TNKS: variants seen among roughly 807,000 people sequenced by gnomAD.
TNKS encodes the protein poly [ADP-ribose] polymerase tankyrase-1.
Under a neutral mutation model 135.8 loss-of-function variants are expected in TNKS, and 72 were observed. That is an observed-to-expected ratio of 0.53 (90% CI 0.44 to 0.64). The LOEUF is 0.64. TNKS is among the 30% of genes least tolerant of loss of function. TNKS has a pLI of 0.00. For synonymous variants in TNKS, 849 were observed against 649.3 expected (o/e 1.31, Z -4.68); for missense variants, 1,769 against 1,674.0 (o/e 1.06, Z -0.99).
At position 9,772,809 on chromosome 8, in the gene TNKS, T is replaced by TTTGTGTGTGTG. The variant is rs1554490631; in HGVS notation, c.3897+2548_3897+2549insTGTGTGTGTGT. 4.6e-5 allele frequency among the ~76,000 whole-genome samples: 4 copies of TTTGTGTGTGTG among 86,692 alleles called. No homozygotes were observed. The East Asian group carries it at 1.0e-3, about 22-fold the overall frequency. The allele number at this position is 86,692 out of a possible 152,430, so 56.9% of individuals were successfully genotyped here. A position where few individuals can be genotyped will look rare whatever the true frequency, so the allele number is the denominator to read the frequency against. On this transcript the variant is annotated intron_variant, in intron 26 of 26. Transcript: ENST00000310430. Reference sequence around the variant, plus strand: ...TTGGGGAGAATGTGTGTGTGTGTGTTTGTGTGTGTGTGTGTGTGTGTCTGT... The same window carrying TTTGTGTGTGTG: ...TTGGGGAGAATGTGTGTGTGTGTGTTTTGTGTGTGTGTGTGTGTGTGTGTGTGTGTGTCTGT...
intron 3 of TNKS, among the ~76,000 whole-genome samples, chr8:9,659,856 G>T (rs141796352): frequency 1.8e-3 from 271 of 152,166 alleles, no homozygotes; most frequent in African/African-American, 6.0e-3. Context: ...TAATAAAGAA[G>T]AAAAGAGAGA....
At chr8:9,641,426 T>C (rs1054515395) in intron 3 of TNKS, among the ~76,000 whole-genome samples, 1 of 145,266 alleles carries the variant, frequency 6.9e-6, no homozygotes, top group Non-Finnish European at 1.5e-5. Context: ...GATTTATTTA[T>C]AAATATCTCT....
At chr8:9,744,666 T>C (rs1806144713) in intron 17 of TNKS, among the ~76,000 whole-genome samples, 1 of 152,226 alleles carries the variant, frequency 6.6e-6, no homozygotes, top group Non-Finnish European at 1.5e-5. Context: ...TTATATACTG[T>C]GTTGAATAGA....
chr8:9,706,069 T>C, intron 6 of TNKS, 118 bp from the exon 7 acceptor site: 1 of 551,302 alleles, frequency 1.8e-6, no homozygotes, highest in Non-Finnish European at 2.9e-6. Flanking sequence ...TTTTATTAAA[T>C]ACTTTTAAAT....
At chr8:9,763,312 T>A (rs1807249509) in intron 22 of TNKS, 68 bp downstream of exon 22, 5 of 1,110,430 alleles carry the variant, frequency 4.5e-6, no homozygotes, top group Non-Finnish European at 6.6e-6. Flanking sequence ...TTTTCTGGAA[T>A]TAACCTCGTC....
intron 3 of TNKS, among the ~76,000 whole-genome samples, chr8:9,650,356 C>G (rs1029590849): frequency 6.6e-6 from 1 of 152,162 alleles, no homozygotes; most frequent in Admixed American, 6.5e-5. Context: ...ATTGCTGGAT[C>G]AAATGGTAGT....
intron 26 of TNKS, among the ~76,000 whole-genome samples, chr8:9,774,070 T>C (rs527503655): frequency 2.0e-5 from 3 of 151,802 alleles, no homozygotes; most frequent in Admixed American, 6.5e-5. Flanking sequence ...AAAAGATATA[T>C]TGAAGGTTAA....
intron 1 of TNKS, among the ~76,000 whole-genome samples, chr8:9,570,633 G>C (rs1797721740): frequency 6.6e-6 from 1 of 152,142 alleles, no homozygotes; most frequent in South Asian, 2.1e-4. Context: ...TCCTCTATAT[G>C]GCCCATGTTC....
At chr8:9,691,842 A>G (rs1803289639) in intron 5 of TNKS, among the ~76,000 whole-genome samples, 1 of 152,120 alleles carries the variant, frequency 6.6e-6, no homozygotes, top group Non-Finnish European at 1.5e-5. Context: ...TATTTTCTAC[A>G]TCTTGCACTG....
chr8:9,650,247 T>G lies in TNKS; in HGVS notation c.995-29704T>G, dbSNP rs182304848. 2.0e-5 allele frequency among the ~76,000 whole-genome samples: 3 copies of G among 152,274 alleles called. No individual in the cohort carries two copies. The East Asian group carries it at 5.8e-4, about 29-fold the overall frequency. ...TTGATGGGCATTTGGGCTGGTTCCA[T>G]ATTTTTTGCAGTTGCAAATTGTGCT... On this transcript the variant is annotated intron_variant, in intron 3 of 26. Transcript: ENST00000310430.
intron 23 of TNKS, 58 bp from the exon 24 acceptor site, chr8:9,765,633 AT>A: frequency 7.0e-7 from 1 of 1,420,202 alleles, no homozygotes; most frequent in Non-Finnish European, 9.9e-7. Context: ...CATACTTTTC[AT>A]TTTAAATCAT....
intron 11 of TNKS, among the ~76,000 whole-genome samples, chr8:9,718,079 A>G (rs1005381589): frequency 6.6e-6 from 1 of 152,156 alleles, no homozygotes; most frequent in Non-Finnish European, 1.5e-5. Flanking sequence ...AGATCTTTGT[A>G]TTGTCAATTG....
At chr8:9,688,580 A>G (rs912976139) in intron 5 of TNKS, among the ~76,000 whole-genome samples, 4 of 152,288 alleles carry the variant, frequency 2.6e-5, no homozygotes, top group South Asian at 2.1e-4. Context: ...GGGAAGTCCA[A>G]GGTTTAGGTT....
chr8:9,638,556 A>G (rs1585262937), intron 3 of TNKS, among the ~76,000 whole-genome samples: 1 of 152,242 alleles, frequency 6.6e-6, no homozygotes, highest in African/African-American at 2.4e-5. Flanking sequence ...GACAGTTTAT[A>G]TACTTTGTTT....
At chr8:9,664,501 A>C (rs4422774) in intron 3 of TNKS, among the ~76,000 whole-genome samples, 1 of 152,036 alleles carries the variant, frequency 6.6e-6, no homozygotes, top group South Asian at 2.1e-4. Flanking sequence ...GGAAGGCACA[A>C]ACATTCAAAC....
chr8:9,646,540 G>C (rs1400599456), intron 3 of TNKS, among the ~76,000 whole-genome samples: 1 of 151,992 alleles, frequency 6.6e-6, no homozygotes, highest in Non-Finnish European at 1.5e-5. Flanking sequence ...TGTGTGATTG[G>C]TGACTTCCCT....
chr8:9,759,128 G>C (rs1007773834), intron 20 of TNKS, among the ~76,000 whole-genome samples: 2 of 152,112 alleles, frequency 1.3e-5, no homozygotes, highest in African/African-American at 4.8e-5. Context: ...TGCTGTATTT[G>C]CTTGGTTAGA....
intron 3 of TNKS, among the ~76,000 whole-genome samples, chr8:9,662,294 A>T (rs1801756853): frequency 6.6e-6 from 1 of 152,198 alleles, no homozygotes; most frequent in Non-Finnish European, 1.5e-5. Context: ...ACACATGCAC[A>T]TGTATGTTTA....
chr8:9,597,102 C>T (rs1380649220), intron 2 of TNKS, among the ~76,000 whole-genome samples: 3 of 152,186 alleles, frequency 2.0e-5, no homozygotes, highest in Non-Finnish European at 4.4e-5. Flanking sequence ...TTTAAGATAG[C>T]AAATAAGTGC....
Sources: allele counts gnomAD v4.1 joint callset (sites outside exome capture counted in the v4.1 genomes callset), GRCh38; gene constraint gnomAD v4.1.1; transcripts MANE v1.5; gene names NCBI Gene and HGNC (gene_info 2026-07-23, HGNC 2026-07-21).